SCFD2: variants seen among roughly 807,000 people sequenced by gnomAD.
The protein encoded by SCFD2 is sec1 family domain-containing protein 2.
Under a neutral mutation model 58.9 loss-of-function variants are expected in SCFD2, and 54 were observed. That is an observed-to-expected ratio of 0.92 (90% CI 0.74 to 1.15). The LOEUF (loss-of-function observed/expected upper bound fraction) is 1.15, where lower values mean the gene tolerates loss of function less well. Ranked by LOEUF, SCFD2 falls within the 50% of genes most tolerant of loss-of-function variation. The probability of loss-of-function intolerance (pLI) is 0.00; values close to 1 mark genes in which losing one functional copy is unlikely to be tolerated. For missense variants in SCFD2, 805 were observed against 836.6 expected (o/e 0.96, Z 0.47); for synonymous variants, 321 against 335.9 (o/e 0.96, Z 0.49).
chr4:53,341,363 G>A (rs1733866310), intron 2 of SCFD2, among the ~76,000 whole-genome samples: 1 of 152,176 alleles, frequency 6.6e-6, no homozygotes, highest in East Asian at 1.9e-4. Flanking sequence ...ATCAGTGATT[G>A]AAGGTCAAAT....
chr4:53,173,637 T>C (rs1215755947), intron 4 of SCFD2, among the ~76,000 whole-genome samples: 1 of 152,196 alleles, frequency 6.6e-6, no homozygotes, highest in East Asian at 1.9e-4. Context: ...TGTTGTCTGG[T>C]TGTTTTCTAG....
intron 5 of SCFD2, among the ~76,000 whole-genome samples, chr4:53,070,853 T>C (rs1439723988): frequency 5.3e-5 from 8 of 152,122 alleles, no homozygotes; most frequent in African/African-American, 1.9e-4. Flanking sequence ...TTTCTCTCTA[T>C]AAAAATATAT....
At chr4:53,241,712 CACCCTGTCA>C (rs1214831593) in intron 4 of SCFD2, among the ~76,000 whole-genome samples, 1 of 152,224 alleles carries the variant, frequency 6.6e-6, no homozygotes, top group African/African-American at 2.4e-5. Context: ...TGTGTGTGTG[CACCCTGTCA>C]TGCCACTGCT....
chr4:52,996,662 C>T (rs559844585), intron 5 of SCFD2, among the ~76,000 whole-genome samples: 7 of 152,336 alleles, frequency 4.6e-5, no homozygotes, highest in South Asian at 2.1e-4. Flanking sequence ...TAATCTGGCC[C>T]ATCTCATCTC....
Position 52,873,961 on chromosome 4 carries a change from G to C in SCFD2, c.*8C>G. 2 of 1,607,988 alleles carry C rather than the reference G, an allele frequency of 1.2e-6. No homozygotes were observed. The highest frequency in any genetic ancestry group is 1.7e-6 in the Non-Finnish European group (2 of 1,174,576). On this transcript the variant is annotated 3_prime_UTR_variant, in exon 9 of 9. Transcript: ENST00000401642. Reference sequence around the variant, plus strand: ...AGCTTGAGTAGGTCTTATCTTCTTAGCGGATGCTCAGAAGCCAAGGTCTGG... The same window carrying C: ...AGCTTGAGTAGGTCTTATCTTCTTACCGGATGCTCAGAAGCCAAGGTCTGG...
At chr4:52,983,271 A>G (rs1362639377) in intron 5 of SCFD2, among the ~76,000 whole-genome samples, 1 of 152,216 alleles carries the variant, frequency 6.6e-6, no homozygotes. Flanking sequence ...CACCCATAGA[A>G]TAAGATTTTA....
At chr4:52,994,881 A>G (rs1416123964) in intron 5 of SCFD2, among the ~76,000 whole-genome samples, 1 of 152,172 alleles carries the variant, frequency 6.6e-6, no homozygotes, top group Non-Finnish European at 1.5e-5. Flanking sequence ...CCTTGCAAAC[A>G]CCTACTATGT....
chr4:53,052,140 G>T (rs561238267), intron 5 of SCFD2, among the ~76,000 whole-genome samples: 1 of 152,136 alleles, frequency 6.6e-6, no homozygotes, highest in Non-Finnish European at 1.5e-5. Context: ...GTTCCTTCAT[G>T]CTGCAAGACC....
chr4:53,145,690 C>T, intron 4 of SCFD2, 108 bp from the exon 5 acceptor site: 1 of 945,982 alleles, frequency 1.1e-6, no homozygotes, highest in Non-Finnish European at 1.6e-6. Flanking sequence ...ATGATATTTA[C>T]TGACTGCATC....
At chr4:53,341,157 C>T (rs1011905460) in intron 2 of SCFD2, among the ~76,000 whole-genome samples, 24 of 152,130 alleles carry the variant, frequency 1.6e-4, no homozygotes, top group African/African-American at 4.8e-4. Flanking sequence ...CCAAACTTCT[C>T]CAAGCTAAAG....
At chr4:53,287,239 T>C (rs1267320270) in intron 3 of SCFD2, among the ~76,000 whole-genome samples, 2 of 152,152 alleles carry the variant, frequency 1.3e-5, no homozygotes, top group Non-Finnish European at 2.9e-5. Flanking sequence ...CACTGAGTTC[T>C]GAACCCCAGC....
At chr4:52,934,455 T>A (rs529560565) in intron 5 of SCFD2, among the ~76,000 whole-genome samples, 32 of 152,180 alleles carry the variant, frequency 2.1e-4, no homozygotes, top group Admixed American at 1.4e-3. Flanking sequence ...CTGGAAAAAA[T>A]TTTTATGGAA....
At chr4:53,284,102 G>C (rs1731590320) in intron 3 of SCFD2, among the ~76,000 whole-genome samples, 1 of 140,206 alleles carries the variant, frequency 7.1e-6, no homozygotes. Flanking sequence ...CTGGGCGACA[G>C]AGCAAGACTC....
intron 5 of SCFD2, among the ~76,000 whole-genome samples, chr4:53,072,688 A>G (rs1342213933): frequency 2.0e-5 from 3 of 152,076 alleles, no homozygotes; most frequent in Non-Finnish European, 4.4e-5. Context: ...TTTGCACCCT[A>G]TGTAAATCAG....
At chr4:53,055,369 A>G (rs1723306766) in intron 5 of SCFD2, among the ~76,000 whole-genome samples, 1 of 152,154 alleles carries the variant, frequency 6.6e-6, no homozygotes, top group Admixed American at 6.5e-5. Flanking sequence ...GACGACAGGC[A>G]GAAAAGTGGC....
intron 5 of SCFD2, among the ~76,000 whole-genome samples, chr4:52,945,152 T>C (rs1577848070): frequency 1.3e-5 from 2 of 152,150 alleles, no homozygotes; most frequent in East Asian, 3.8e-4. Context: ...TACAAAAGAA[T>C]GTAGAAGACT....
intron 7 of SCFD2, among the ~76,000 whole-genome samples, chr4:52,901,342 C>T (rs1302651977): frequency 6.6e-6 from 1 of 152,154 alleles, no homozygotes; most frequent in African/African-American, 2.4e-5. Flanking sequence ...TCCACTTTAA[C>T]CTGGGTGGGC....
chr4:53,152,626 G>A (rs1039544812), intron 4 of SCFD2, among the ~76,000 whole-genome samples: 10 of 152,098 alleles, frequency 6.6e-5, no homozygotes, highest in East Asian at 3.9e-4. Context: ...TCATGTCCTC[G>A]CAATAAAAAA....
chr4:52,937,988 T>C (rs1720187301), intron 5 of SCFD2, among the ~76,000 whole-genome samples: 1 of 152,186 alleles, frequency 6.6e-6, no homozygotes, highest in Admixed American at 6.5e-5. Flanking sequence ...ATTCATACAT[T>C]GACTCAACAA....
Sources: allele counts gnomAD v4.1 joint callset (sites outside exome capture counted in the v4.1 genomes callset), GRCh38; gene constraint gnomAD v4.1.1; transcripts MANE v1.5; gene names NCBI Gene and HGNC (gene_info 2026-07-23, HGNC 2026-07-21).